The following OR51B5 variants were observed in gnomAD, a reference collection of about 807,000 sequenced individuals.
OR51B5 encodes olfactory receptor 51B5.
For missense variants in OR51B5, 456 were observed against 374.6 expected (o/e 1.22, Z -1.79); for synonymous variants, 186 against 144.8 (o/e 1.28, Z -2.04).
chr11:5,423,304 A>C, intron 1 of OR51B5: 1 of 931,324 alleles, frequency 1.1e-6, no homozygotes, highest in South Asian at 2.0e-5. Context: ...TTTTTGGCTG[A>C]GGTGAGCTAG....
chr11:5,378,450 A>T (rs1849561831), intron 1 of OR51B5, among the ~76,000 whole-genome samples: 1 of 152,206 alleles, frequency 6.6e-6, no homozygotes, highest in East Asian at 1.9e-4. Context: ...CAAAAGCCAA[A>T]ATTCACTAAT....
chr11:5,347,853 G>T (rs1849016405), upstream of OR51B5, among the ~76,000 whole-genome samples: 1 of 152,086 alleles, frequency 6.6e-6, no homozygotes, highest in Admixed American at 6.6e-5. Flanking sequence ...GGTCTCTGGG[G>T]AGGAGCTTCT....
chr11:5,384,905 G>A (rs185882822), intron 1 of OR51B5, among the ~76,000 whole-genome samples: 1 of 152,268 alleles, frequency 6.6e-6, no homozygotes, highest in Non-Finnish European at 1.5e-5. Context: ...TTCTCTAGGG[G>A]TTCAAAAATG....
chr11:5,468,257 C>A (rs973787152), intron 1 of OR51B5, among the ~76,000 whole-genome samples: 1 of 152,164 alleles, frequency 6.6e-6, no homozygotes, highest in Admixed American at 6.5e-5. Flanking sequence ...CTTGTTGGGT[C>A]TGAGAGAAGT....
intron 1 of OR51B5, among the ~76,000 whole-genome samples, chr11:5,405,544 A>G (rs1355234866): frequency 6.6e-6 from 1 of 151,670 alleles, no homozygotes; most frequent in Non-Finnish European, 1.5e-5. Flanking sequence ...TTTTTTTTCT[A>G]CATTCTCTAT....
chr11:5,408,711 C>G (rs1850099384), intron 1 of OR51B5, among the ~76,000 whole-genome samples: 1 of 152,162 alleles, frequency 6.6e-6, no homozygotes, highest in South Asian at 2.1e-4. Flanking sequence ...TAAACAATGT[C>G]CAAGCCTCAA....
chr11:5,345,820 G>C (rs1037179498), upstream of OR51B5: 1 of 125,096 alleles, frequency 8.0e-6, no homozygotes, highest in Admixed American at 8.0e-5. Flanking sequence ...TCAGTGAAGA[G>C]ATGCCAGACA....
chr11:5,494,289 C>T (rs1332257673), intron 1 of OR51B5, among the ~76,000 whole-genome samples: 2 of 152,192 alleles, frequency 1.3e-5, no homozygotes, highest in African/African-American at 4.8e-5. Context: ...TATTTTCCCC[C>T]TCATAGACTT....
chr11:5,468,427 C>T, intron 1 of OR51B5: 1 of 320,358 alleles, frequency 3.1e-6, no homozygotes, highest in Non-Finnish European at 6.1e-6. Flanking sequence ...TAACCTGGTA[C>T]ACCCAAACAT....
chr11:5,489,122 T>G, intron 1 of OR51B5: 1 of 1,614,016 alleles, frequency 6.2e-7, no homozygotes, highest in Non-Finnish European at 8.5e-7. Context: ...ACAACCATTC[T>G]CAACCATGCT....
chr11:5,429,303 ACCAGGGTCTCAGT>A (rs1201475442), intron 1 of OR51B5, among the ~76,000 whole-genome samples: 8 of 152,150 alleles, frequency 5.3e-5, no homozygotes, highest in African/African-American at 1.9e-4. Context: ...TCACCGCAAT[ACCAGGGTCTCAGT>A]CTGTGCAGTG....
At chr11:5,349,878 CTCCTT>C (rs2133685590) in intron 1 of OR51B5, among the ~76,000 whole-genome samples, 1 of 152,226 alleles carries the variant, frequency 6.6e-6, no homozygotes, top group Admixed American at 6.5e-5. Flanking sequence ...TCAATCTTTT[CTCCTT>C]TCCCTTTCCC....
chr11:5,442,012 T>C (rs1218991815), intron 1 of OR51B5, among the ~76,000 whole-genome samples: 1 of 152,144 alleles, frequency 6.6e-6, no homozygotes, highest in Non-Finnish European at 1.5e-5. Flanking sequence ...TTTACTGTTT[T>C]CATATCCTTA....
chr11:5,405,780 C>T (rs1850049425), intron 1 of OR51B5, among the ~76,000 whole-genome samples: 1 of 152,172 alleles, frequency 6.6e-6, no homozygotes, highest in Admixed American at 6.5e-5. Context: ...TGTGAGTCTG[C>T]CTCCAGGTTT....
rs557855611 is a variant in OR51B5, at chr11:5,483,221, A to G, written n.84+22348T>C. On this transcript the variant is annotated intron_variant and non_coding_transcript_variant, in intron 1 of 4. Transcript: ENST00000415970. Reference sequence around the variant, plus strand: ...TGTCCTTTGTAGAGACATGGATGAAATTGGAAATCATCATTCTCAGTAAAC... The same window carrying G: ...TGTCCTTTGTAGAGACATGGATGAAGTTGGAAATCATCATTCTCAGTAAAC... Among the ~76,000 whole-genome samples, 234 of 148,930 alleles carry G rather than the reference A, an allele frequency of 1.6e-3. 1 individual carries two copies. The highest frequency in any genetic ancestry group is 5.5e-3 in the African/African-American group (220 of 40,076).
chr11:5,453,186 G>C (rs1850883710), intron 1 of OR51B5: 1 of 226,358 alleles, frequency 4.4e-6, no homozygotes, highest in Non-Finnish European at 8.5e-6. Flanking sequence ...TAGAAATGTA[G>C]TTTAAACATT....
intron 1 of OR51B5, among the ~76,000 whole-genome samples, chr11:5,415,802 A>C (rs1371069064): frequency 6.6e-6 from 1 of 152,212 alleles, no homozygotes; most frequent in African/African-American, 2.4e-5. Flanking sequence ...CCAACTGAAA[A>C]GAGTCCAGAA....
intron 1 of OR51B5, chr11:5,423,013 T>C (rs749678592): frequency 1.8e-5 from 29 of 1,614,012 alleles, no homozygotes; most frequent in Middle Eastern, 3.3e-4. Context: ...AGCATGCCTC[T>C]CCACTGGTCC....
intron 1 of OR51B5, among the ~76,000 whole-genome samples, chr11:5,472,216 G>T (rs1003423873): frequency 7.2e-5 from 11 of 152,166 alleles, no homozygotes; most frequent in African/African-American, 2.7e-4. Context: ...CTAGATGGGG[G>T]ATGTGCATGT....
Sources: allele counts gnomAD v4.1 joint callset (sites outside exome capture counted in the v4.1 genomes callset), GRCh38; gene constraint gnomAD v4.1.1; transcripts MANE v1.5; gene names NCBI Gene and HGNC (gene_info 2026-07-23, HGNC 2026-07-21).